The following CMTR1 variants were observed in gnomAD, a reference collection of about 807,000 sequenced individuals.
CMTR1 encodes cap methyltransferase 1.
In CMTR1, 39 loss-of-function variants were observed where a neutral mutation model predicts 107.0. The observed-to-expected ratio is 0.36, with a 90% CI of 0.28 to 0.48. The LOEUF (loss-of-function observed/expected upper bound fraction) is 0.48. Ranked by LOEUF, CMTR1 falls within the 20% of genes least tolerant of loss-of-function variation. The probability of loss-of-function intolerance (pLI) is 0.99; values close to 1 mark genes in which losing one functional copy is unlikely to be tolerated. For missense variants in CMTR1, 672 were observed against 1,064.9 expected, an observed-to-expected ratio of 0.63 and a Z score of 5.14; for synonymous variants, 366 against 379.5, an observed-to-expected ratio of 0.96 and a Z score of 0.41.
At chr6:37,436,319 A>C (rs1020813326) in intron 2 of CMTR1, 1 of 152,240 alleles carries the variant, frequency 6.6e-6, no homozygotes, top group African/African-American at 2.4e-5. Context: ...GGTTATTCAC[A>C]GTTTCCATAG....
intron 8 of CMTR1, among the ~76,000 whole-genome samples, chr6:37,456,041 A>G (rs1761286161): frequency 6.6e-6 from 1 of 152,206 alleles, no homozygotes; most frequent in Non-Finnish European, 1.5e-5. Flanking sequence ...TACATCTTGA[A>G]ATCACAGAAC....
At chr6:37,474,444 TA>T (rs906376004) in intron 17 of CMTR1, 79 bp from the exon 18 acceptor site, 5 of 1,556,960 alleles carry the variant, frequency 3.2e-6, no homozygotes, top group Non-Finnish European at 4.4e-6. Context: ...AGCTGCCAAC[TA>T]AAAGCTCTTT....
In CMTR1 at chr6:37,474,493, T is replaced by G. The variant is rs373498390; in HGVS notation, c.1822-31T>G. On this transcript the variant is annotated intron_variant, in intron 17 of 23. Coordinates refer to ENST00000373451, the MANE Select transcript of CMTR1 (RefSeq NM_015050.3). ...CTCTTATCCCTCGATCTCCATGCCT[T>G]CCTTACCTGGCTGTTTCTCTCTGCC... 1.2e-4 allele frequency: 197 copies of G among 1,612,622 alleles called. 4 individuals are homozygous for G. In the South Asian group the frequency reaches 2.1e-3, roughly 17 times the overall value.
intron 11 of CMTR1, 70 bp from the exon 12 acceptor site, chr6:37,461,900 C>A: frequency 6.5e-7 from 1 of 1,548,898 alleles, no homozygotes; most frequent in South Asian, 1.1e-5. Flanking sequence ...CATATTTACT[C>A]CCAAGACTAC....
chr6:37,444,835 G>C (rs916531375), intron 3 of CMTR1, among the ~76,000 whole-genome samples: 1 of 152,076 alleles, frequency 6.6e-6, no homozygotes, highest in Non-Finnish European at 1.5e-5. Flanking sequence ...GACCAGCCTG[G>C]CCAACATGGT....
chr6:37,446,576 C>A, intron 4 of CMTR1, 127 bp downstream of exon 4: 3 of 1,096,616 alleles, frequency 2.7e-6, no homozygotes, highest in Non-Finnish European at 3.9e-6. Context: ...TAGTTTTTTA[C>A]GTGGAAAGTA....
chr6:37,433,055 G>A (rs1050450096), upstream of CMTR1, among the ~76,000 whole-genome samples: 2 of 152,248 alleles, frequency 1.3e-5, no homozygotes, highest in South Asian at 2.1e-4. Context: ...AGTTACTTTT[G>A]CTTTTGCAGC....
At chr6:37,430,412 A>G (rs535126275), upstream of CMTR1, among the ~76,000 whole-genome samples, 10 of 150,732 alleles carry the variant, frequency 6.6e-5, no homozygotes, top group East Asian at 1.9e-4. Context: ...GTGTGTGTGT[A>G]TATATATATA....
At chr6:37,470,169 T>C (rs1761593589) in intron 13 of CMTR1, among the ~76,000 whole-genome samples, 1 of 151,728 alleles carries the variant, frequency 6.6e-6, no homozygotes, top group Admixed American at 6.6e-5. Flanking sequence ...TTTTTTGAGA[T>C]GGAGTCTTGC....
chr6:37,475,483 G>A (rs761217859), intron 19 of CMTR1, 71 bp downstream of exon 19: 15 of 1,298,866 alleles, frequency 1.2e-5, no homozygotes, highest in Non-Finnish European at 1.4e-5. Flanking sequence ...GCGGCCTCCC[G>A]AGGTGTGGCC....
chr6:37,469,736 C>T (rs1480173049), intron 13 of CMTR1, among the ~76,000 whole-genome samples: 1 of 151,708 alleles, frequency 6.6e-6, no homozygotes, highest in African/African-American at 2.4e-5. Context: ...CTATGTTGGT[C>T]AGTCTGGTCT....
At chr6:37,476,917 A>G (rs927345678) in intron 20 of CMTR1, among the ~76,000 whole-genome samples, 2 of 152,238 alleles carry the variant, frequency 1.3e-5, no homozygotes, top group African/African-American at 4.8e-5. Context: ...GGCATGTGAA[A>G]GTTTCAAAGG....
chr6:37,460,792 A>G (rs1484674720), intron 10 of CMTR1, among the ~76,000 whole-genome samples: 4 of 152,222 alleles, frequency 2.6e-5, no homozygotes, highest in African/African-American at 9.7e-5. Context: ...GTTGTGCAAC[A>G]GATTTTCAGA....
chr6:37,476,325 T>C, intron 20 of CMTR1, 131 bp downstream of exon 20: 1 of 940,404 alleles, frequency 1.1e-6, no homozygotes, highest in East Asian at 2.5e-5. Context: ...ATTCTTGCCA[T>C]GAAGTTTGTT....
rs143311459 is a variant in CMTR1, at chr6:37,446,392, T to C, written c.387T>C (p.Gly129=). 5.6e-6 allele frequency: 9 copies of C among 1,613,938 alleles called. No homozygotes were observed. In the African/African-American group the frequency reaches 1.2e-4, roughly 22 times the overall value. The change falls in exon 4 of 24, where the codon GGT becomes GGC. Residue 129 remains glycine, a synonymous_variant. Transcript: ENST00000373451. The stretch of plus-strand genomic sequence containing the variant: ...GTCAGAAAGGTCGAAGAGGCTTGGG[T>C]CTGACACTCCGGGGCTTTGACCAGG... ...ASSQKGRRGL[G]LTLRGFDQEL...
chr6:37,453,644 G>GAA, intron 8 of CMTR1, among the ~76,000 whole-genome samples: 1 of 79,812 alleles, frequency 1.3e-5, no homozygotes, highest in African/African-American at 7.6e-5. Context: ...TAATGAGAGG[G>GAA]GAATATGGTT....
intron 1 of CMTR1, among the ~76,000 whole-genome samples, 176 bp downstream of exon 1, chr6:37,433,553 G>GCTGC (rs2113859123): frequency 6.6e-6 from 1 of 152,334 alleles, no homozygotes; most frequent in Non-Finnish European, 1.5e-5. Flanking sequence ...TGGAGCCCGA[G>GCTGC]CTGCCGCTGA....
chr6:37,469,133 TA>T (rs1361267767), intron 13 of CMTR1, among the ~76,000 whole-genome samples: 5 of 148,214 alleles, frequency 3.4e-5, no homozygotes, highest in Middle Eastern at 7.0e-3. Flanking sequence ...AGACTCTGTT[TA>T]AAAAAAAAAC....
intron 13 of CMTR1, among the ~76,000 whole-genome samples, chr6:37,464,892 C>CTG (rs61375488): frequency 0.046 from 6,878 of 148,308 alleles, 272 homozygotes; most frequent in African/African-American, 0.11. Flanking sequence ...TTCTAAAACG[C>CTG]TGTGTGTGTG....
Sources: gnomAD v4.1 joint callset for allele counts (sites outside exome capture counted in the v4.1 genomes callset) on GRCh38, gnomAD v4.1.1 for gene constraint, MANE v1.5 for transcripts, NCBI Gene and HGNC (gene_info 2026-07-23, HGNC 2026-07-21) for gene names.